Variants in ITGAD observed in about 807,000 individuals in gnomAD.
ITGAD encodes the protein integrin subunit alpha D.
ITGAD carries 105 observed loss-of-function variants against 139.0 expected under a neutral mutation model. The observed-to-expected ratio is 0.76, with a 90% CI of 0.65 to 0.89. ITGAD has a LOEUF of 0.89. Ranked by LOEUF, ITGAD falls within the 40% of genes least tolerant of loss-of-function variation. The probability of loss-of-function intolerance (pLI) is 0.00; values close to 1 mark genes in which losing one functional copy is unlikely to be tolerated. For synonymous variants in ITGAD, 569 were observed against 598.3 expected (o/e 0.95, Z 0.71); for missense variants, 1,384 against 1,487.3 (o/e 0.93, Z 1.14).
chr16:31,421,381 T>C (rs781325305), intron 23 of ITGAD, among the ~76,000 whole-genome samples: 6 of 150,706 alleles, frequency 4.0e-5, no homozygotes, highest in African/African-American at 7.3e-5. Context: ...AGTGCTGGGA[T>C]TACAGGCATG....
At chr16:31,418,039 G>A (rs748663323) in intron 20 of ITGAD, 36 bp from the exon 21 acceptor site, 3 of 1,545,914 alleles carry the variant, frequency 1.9e-6, no homozygotes, top group South Asian at 1.1e-5. Flanking sequence ...ACACATGCAT[G>A]CGGGTAACTT....
At position 31,407,663 on chromosome 16, in the gene ITGAD, A is replaced by G; in HGVS notation, c.853A>G (p.Ile285Val). ...AEKAGIIRYA[I>V]GVGHAFQGPT... ...GAAGGCTGGCATCATCCGCTACGCT[A>G]TCGGGGTGCGCCTCTTCTTCACCCC... Residue 285 changes from isoleucine (I) to valine (V), a missense_variant, in exon 8 of 30, where the codon ATC becomes GTC. Physicochemically the swap from Ile to Val is conservative, Grantham distance 29. Transcript: ENST00000389202. 2 of 1,614,114 alleles carry G rather than the reference A, an allele frequency of 1.2e-6. No individual in the cohort carries two copies. The highest frequency in any genetic ancestry group is 1.7e-6 in the Non-Finnish European group (2 of 1,179,982).
intron 7 of ITGAD, among the ~76,000 whole-genome samples, chr16:31,404,924 CAG>C (rs970156491): frequency 2.7e-5 from 4 of 150,500 alleles, no homozygotes; most frequent in Non-Finnish European, 4.4e-5. Context: ...GTATTTTAGA[CAG>C]AGTCTTGCTC....
In ITGAD at chr16:31,393,371, G is replaced by A. The variant is rs1242687751; in HGVS notation, c.11G>A (p.Gly4Asp). The change falls in exon 1 of 30, where the codon GGC becomes GAC. Residue 4 changes from glycine to aspartate, a missense_variant. Physicochemically the swap from Gly to Asp is moderately conservative, Grantham distance 94. Transcript: ENST00000389202. ...ACGCGCTGCTCAGGGATGACCTTCG[G>A]CACTGTGCTTCTTCTGAGTGGTAAG... The part of the protein sequence containing the change: MTF[G>D]TVLLLSVLAS... The A allele has an allele frequency of 2.6e-5, 42 of 1,613,992 alleles. No individual in the cohort carries two copies. The highest frequency in any genetic ancestry group is 3.3e-5 in the Non-Finnish European group (39 of 1,180,024).
At chr16:31,419,642 C>T (rs1206980851) in intron 23 of ITGAD, among the ~76,000 whole-genome samples, 2 of 151,896 alleles carry the variant, frequency 1.3e-5, no homozygotes, top group South Asian at 2.1e-4. Flanking sequence ...GAAACCTTGT[C>T]TTTACTAAAA....
intron 20 of ITGAD, among the ~76,000 whole-genome samples, 172 bp downstream of exon 20, chr16:31,416,818 T>TGAA (rs1487841050): frequency 6.6e-6 from 1 of 152,090 alleles, no homozygotes; most frequent in Non-Finnish European, 1.5e-5. Flanking sequence ...TACGGTTTAA[T>TGAA]GAATAATATT....
intron 19 of ITGAD, 58 bp downstream of exon 19, chr16:31,416,344 TG>T: frequency 6.6e-7 from 1 of 1,519,000 alleles, no homozygotes. Context: ...CCCATCCTCC[TG>T]GGATGCTTGT....
chr16:31,416,617 C>T lies in ITGAD; in HGVS notation c.2470C>T (p.Leu824=), dbSNP rs1469014088. 1 of 1,611,992 alleles carries T rather than the reference C, an allele frequency of 6.2e-7. No individual in the cohort carries two copies. Among genetic ancestry groups the T allele is most frequent in the African/African-American group, 1.3e-5 (1 of 74,908 alleles). The part of the protein sequence containing the change: ...TVVSLYYPAG[L]SHRRVSGAQK... ...GGTCAGCCTCTACTATCCAGCAGGGCTGTCGCACCGACGGGTGTCAGGAGC... is the reference window on the plus strand; with the variant it reads ...GGTCAGCCTCTACTATCCAGCAGGGTTGTCGCACCGACGGGTGTCAGGAGC... Residue 824 remains leucine, a synonymous_variant, in exon 20 of 30, where the codon CTG becomes TTG. Transcript: ENST00000389202.
chr16:31,411,525 C>A lies in ITGAD; in HGVS notation c.1707+8C>A, dbSNP rs747931049. 6.2e-7 allele frequency: 1 copy of A among 1,613,668 alleles called. No individual in the cohort carries two copies. The highest frequency in any genetic ancestry group is 1.3e-5 in the African/African-American group (1 of 74,908). Reference sequence around the variant, plus strand: ...AGCCCCTCCCACAGCCAGGTGAGGCCCGTCTTCAGCCTCTTTTAGTCCCAG... The same window carrying A: ...AGCCCCTCCCACAGCCAGGTGAGGCACGTCTTCAGCCTCTTTTAGTCCCAG... On this transcript the variant is annotated splice_region_variant and intron_variant, in intron 14 of 29. Coordinates refer to ENST00000389202, the MANE Select transcript of ITGAD (RefSeq NM_005353.3).
chr16:31,417,421 A>G (rs1284099923), intron 20 of ITGAD, among the ~76,000 whole-genome samples: 1 of 151,662 alleles, frequency 6.6e-6, no homozygotes, highest in Non-Finnish European at 1.5e-5. Context: ...CTTCCAGGTT[A>G]TGAAAATAGC....
chr16:31,397,256 C>A, intron 2 of ITGAD, 103 bp from the exon 3 acceptor site: 1 of 743,890 alleles, frequency 1.3e-6, no homozygotes, highest in Non-Finnish European at 2.3e-6. Context: ...ATTTCCCCCA[C>A]AGAGTCTCGC....
intron 12 of ITGAD, 71 bp downstream of exon 12, chr16:31,410,949 T>C: frequency 6.3e-7 from 1 of 1,597,012 alleles, no homozygotes; most frequent in East Asian, 2.2e-5. Flanking sequence ...TGGCCGGGGC[T>C]AGGGAGAGGA....
intron 23 of ITGAD, 48 bp from the exon 24 acceptor site, chr16:31,423,066 C>T (rs201085888): frequency 3.7e-5 from 53 of 1,447,976 alleles, no homozygotes; most frequent in Non-Finnish European, 5.1e-5. Flanking sequence ...CAGGGCACAA[C>T]TGGGGACAGT....
chr16:31,421,615 C>T (rs548127754), intron 23 of ITGAD, among the ~76,000 whole-genome samples: 13 of 151,920 alleles, frequency 8.6e-5, no homozygotes, highest in Non-Finnish European at 1.5e-4. Context: ...AAAAATAAAC[C>T]TTAAGATTTA....
intron 28 of ITGAD, 37 bp downstream of exon 28, chr16:31,424,240 G>C (rs2082067314): frequency 6.2e-7 from 1 of 1,611,558 alleles, no homozygotes; most frequent in Non-Finnish European, 8.5e-7. Flanking sequence ...CAGCTGGAAA[G>C]AGGACCCCTA....
At chr16:31,408,999 A>G (rs2081610399) in intron 10 of ITGAD, among the ~76,000 whole-genome samples, 1 of 152,216 alleles carries the variant, frequency 6.6e-6, no homozygotes, top group African/African-American at 2.4e-5. Context: ...GTGTGTTCAA[A>G]GGATCCAGAT....
chr16:31,416,271 C>A lies in ITGAD; in HGVS notation c.2342C>A (p.Thr781Asn), dbSNP rs2081884141. 2 of 1,603,694 alleles carry A rather than the reference C, an allele frequency of 1.2e-6. No homozygotes were observed. Among genetic ancestry groups the A allele is most frequent in the Non-Finnish European group, 8.5e-7 (1 of 1,174,142 alleles). ...DGLCEGDLGVTLSFSGLQTLT... is the reference protein window; with the variant it reads ...DGLCEGDLGVNLSFSGLQTLT... ...CTCTGTGAAGGGGACCTGGGTGTCA[C>A]CCTCAGCTTCTCAGGGTGAGCTGTA... is the stretch of plus-strand genomic sequence containing the variant. Residue 781 changes from threonine (T) to asparagine (N), a missense_variant, in exon 19 of 30, where the codon ACC becomes AAC. Coordinates refer to ENST00000389202, the MANE Select transcript of ITGAD (RefSeq NM_005353.3).
At chr16:31,394,189 G>C in intron 1 of ITGAD, 47 bp from the exon 2 acceptor site, 5 of 1,206,084 alleles carry the variant, frequency 4.1e-6, no homozygotes, top group Non-Finnish European at 6.1e-6. Flanking sequence ...CCTAGGGATT[G>C]GGGCTTCTTT....
intron 10 of ITGAD, 92 bp from the exon 11 acceptor site, chr16:31,410,303 G>C: frequency 6.4e-7 from 1 of 1,561,156 alleles, no homozygotes; most frequent in Non-Finnish European, 8.8e-7. Context: ...GAAAAGCCTG[G>C]ATGGCGAGTG....
Sources: allele counts gnomAD v4.1 joint callset (sites outside exome capture counted in the v4.1 genomes callset), GRCh38; gene constraint gnomAD v4.1.1; transcripts MANE v1.5; gene names NCBI Gene and HGNC (gene_info 2026-07-23, HGNC 2026-07-21).